ADGRL1: variants seen among roughly 807,000 people sequenced by gnomAD.
The protein encoded by ADGRL1 is CIRL-1.
In ADGRL1, 31 loss-of-function variants were observed where a neutral mutation model predicts 148.9. The observed-to-expected ratio is 0.21, with a 90% confidence interval of 0.16 to 0.28. The LOEUF is 0.28. Among genes scored for constraint, ADGRL1 ranks in the 10% least tolerant of loss-of-function variants. The pLI, the probability that ADGRL1 is intolerant of heterozygous loss-of-function variation, is 1.00. For missense variants in ADGRL1, 1,521 were observed against 2,058.8 expected, an observed-to-expected ratio of 0.74 and a Z score of 5.05; for synonymous variants, 937 against 900.3, an observed-to-expected ratio of 1.04 and a Z score of -0.73.
chr19:14,151,355 C>T lies in ADGRL1; in HGVS notation c.3928G>A (p.Gly1310Arg), dbSNP rs1342658272. 2 of 1,601,142 alleles carry T rather than the reference C, an allele frequency of 1.2e-6. No individual in the cohort carries two copies. The highest frequency in any genetic ancestry group is 1.7e-6 in the Non-Finnish European group (2 of 1,174,664). Reference protein sequence around the residue: ...PPEPPVPPVPGGGGEEEAGGP... With the variant: ...PPEPPVPPVPRGGGEEEAGGP... The stretch of plus-strand genomic sequence containing the variant: ...CCCGCCTCTTCCTCGCCCCCGCCCC[C>T]TGGCACAGGTGGCACAGGGGGCTCA... The change falls in exon 23 of 23, where the codon GGG becomes AGG. Residue 1310 changes from glycine (G) to arginine (R), a missense_variant. Gly to Arg is a moderately radical substitution (Grantham distance 125). Around this residue, in one of 8 missense-constraint regions of ADGRL1, gnomAD observed 390 missense variants for 375.0 expected, o/e 1.04. Transcript: ENST00000361434.
chr19:14,160,475 C>A lies in ADGRL1; in HGVS notation c.1614+118G>T. 1 of 937,178 alleles carries A rather than the reference C, an allele frequency of 1.1e-6. No homozygotes were observed. The highest frequency in any genetic ancestry group is 2.6e-5 in the East Asian group (1 of 38,004). The allele number at this position is 937,178 out of a possible 1,614,324, so 58.1% of individuals were successfully genotyped here. ...TTTGTAGGCCAGGGAGGTGACCCCA[C>A]AGTCCTGCCTTCCAGACCTGCCAGC... is the stretch of plus-strand genomic sequence containing the variant. On this transcript the variant is annotated intron_variant, in intron 7 of 22. Transcript: ENST00000361434. The surrounding 1 kb of genome is among the most constrained non-coding windows in gnomAD (Gnocchi z 5.9).
At position 14,157,448 on chromosome 19, in the gene ADGRL1, T is replaced by C. The variant is rs1360479904; in HGVS notation, c.2548A>G (p.Ile850Val). The change falls in exon 14 of 23, where the codon ATC (isoleucine) becomes GTC (valine). Residue 850 changes from isoleucine to valine, a missense_variant. Physicochemically the swap from Ile to Val is conservative, Grantham distance 29 (BLOSUM62 3). Around this residue, in one of 8 missense-constraint regions of ADGRL1, gnomAD observed 265 missense variants for 431.9 expected, o/e 0.61. Coordinates refer to ENST00000361434, the MANE Select transcript of ADGRL1 (RefSeq NM_014921.5). This position sits in a 1 kb window ranked among gnomAD's most constrained non-coding sequence, Gnocchi z 7.5. ...ATGACCGACAGCAGCAGCTCGTTGA[T>C]GCGGCCCTGGTACTGGGGACAGGAA... The part of the protein sequence containing the change: ...MAHREIYQGR[I>V]NELLLSVITW... 15 of 1,614,038 alleles carry C rather than the reference T, an allele frequency of 9.3e-6. No individual in the cohort carries two copies. The highest frequency in any genetic ancestry group is 1.7e-5 in the Admixed American group (1 of 60,022).
intron 4 of ADGRL1, among the ~76,000 whole-genome samples, chr19:14,167,768 G>A (rs887671676): frequency 2.6e-5 from 4 of 151,996 alleles, no homozygotes; most frequent in Non-Finnish European, 4.4e-5. Context: ...CAGAGAGGTG[G>A]CGGGGGTGGG....
In ADGRL1 at chr19:14,152,029, G is replaced by GGGA; in HGVS notation, c.3667+101_3667+103dup. 2 of 1,041,112 alleles carry GGGA rather than the reference G, an allele frequency of 1.9e-6. No individual in the cohort carries two copies. The highest frequency in any genetic ancestry group is 3.0e-6 in the Non-Finnish European group (2 of 663,074). The allele number at this position is 1,041,112 out of a possible 1,614,324, so 64.5% of individuals were successfully genotyped here. On this transcript the variant is annotated intron_variant, in intron 22 of 22. Transcript: ENST00000361434. This position sits in a 1 kb window ranked among gnomAD's most constrained non-coding sequence, Gnocchi z 6.1. ...CGGGGGGTGGGGAAATGTGGGCATG[G>GGGA]GGAGGCATCCCGAGTTCTCCTCCTT...
chr19:14,183,487 A>G, intron 2 of ADGRL1, 46 bp downstream of exon 2: 3 of 1,520,884 alleles, frequency 2.0e-6, no homozygotes, highest in Non-Finnish European at 2.7e-6. Flanking sequence ...CCCCCCCCAG[A>G]AGGGTTTGGG....
At chr19:14,184,209 G>A (rs1042637749) in intron 1 of ADGRL1, among the ~76,000 whole-genome samples, 18 of 152,246 alleles carry the variant, frequency 1.2e-4, no homozygotes, top group East Asian at 1.9e-4. Flanking sequence ...TCCAGCTGGC[G>A]CCACAGATCG....
chr19:14,166,442 G>A (rs1183799908), intron 4 of ADGRL1, among the ~76,000 whole-genome samples: 1 of 152,036 alleles, frequency 6.6e-6, no homozygotes, highest in East Asian at 1.9e-4. Flanking sequence ...CCAGGAGCCC[G>A]AGACATAGGA....
At chr19:14,202,430 TGTA>T (rs2145187984) in intron 1 of ADGRL1, among the ~76,000 whole-genome samples, 1 of 151,930 alleles carries the variant, frequency 6.6e-6, no homozygotes, top group African/African-American at 2.4e-5. Flanking sequence ...TTTCTGTACT[TGTA>T]GTAGAGATGG....
chr19:14,203,205 CA>C (rs1339369628), intron 1 of ADGRL1, among the ~76,000 whole-genome samples: 1 of 152,210 alleles, frequency 6.6e-6, no homozygotes, highest in Non-Finnish European at 1.5e-5. Context: ...TGCCTCCCCA[CA>C]GAGGGGCTGG....
chr19:14,192,258 T>G (rs1170836661), intron 1 of ADGRL1, among the ~76,000 whole-genome samples: 1 of 148,798 alleles, frequency 6.7e-6, no homozygotes, highest in Non-Finnish European at 1.5e-5. Context: ...ATTTATTTTT[T>G]GAGACGGAGT....
Position 14,152,393 on chromosome 19 carries a change from G to A in ADGRL1, c.3565C>T (p.Arg1189Cys), listed in dbSNP as rs199658590. 307 of 1,601,930 alleles carry A rather than the reference G, an allele frequency of 1.9e-4. No individual in the cohort carries two copies. Among genetic ancestry groups the A allele is most frequent in the Admixed American group, 1.8e-3 (107 of 59,418 alleles). Reference protein sequence around the residue: ...HLLTNPVLQPRGGTSPYNTLI... With the variant: ...HLLTNPVLQPCGGTSPYNTLI... ...GTGTTGTAGGGACTGGTGCCCCCACGGGGCTGCAGCACGGGGTTGGTCAGC... is the reference window on the plus strand; with the variant it reads ...GTGTTGTAGGGACTGGTGCCCCCACAGGGCTGCAGCACGGGGTTGGTCAGC... Residue 1189 changes from arginine (R) to cysteine (C), a missense_variant, in exon 21 of 23, where the codon CGT (arginine) becomes TGT (cysteine). Around this residue, in one of 8 missense-constraint regions of ADGRL1, gnomAD observed 47 missense variants for 64.6 expected, o/e 0.73. Coordinates refer to ENST00000361434, the MANE Select transcript of ADGRL1 (RefSeq NM_014921.5). The surrounding 1 kb of genome is among the most constrained non-coding windows in gnomAD (Gnocchi z 6.1).
chr19:14,187,799 T>TC (rs1487362808), intron 1 of ADGRL1, among the ~76,000 whole-genome samples: 5 of 151,702 alleles, frequency 3.3e-5, no homozygotes, highest in African/African-American at 7.3e-5. Context: ...CTTCCTCATT[T>TC]CTCCCCCAAC....
rs1294284803 is a variant in ADGRL1, at chr19:14,148,498, C to G, written c.*2375G>C. ...GGCTGGGCTGCTTCCCGGGACAGGC[C>G]AGCTCCTCGCCTGCTCATGCCTCCT... On this transcript the variant is annotated 3_prime_UTR_variant, in exon 23 of 23. Coordinates refer to ENST00000361434, the MANE Select transcript of ADGRL1 (RefSeq NM_014921.5). 1 of 152,672 alleles carries G rather than the reference C, an allele frequency of 6.5e-6. No individual in the cohort carries two copies. The highest frequency in any genetic ancestry group is 2.4e-5 in the African/African-American group (1 of 41,430). The allele number at this position is 152,672 out of a possible 1,614,324, so 9.5% of individuals were successfully genotyped here.
Position 14,156,059 on chromosome 19 carries a change from G to A in ADGRL1, c.3125+51C>T, listed in dbSNP as rs755795138. On this transcript the variant is annotated intron_variant, in intron 17 of 22. Transcript: ENST00000361434. ...ACACCCTGGAAGAGGTGGGCCCAGC[G>A]TGGGGCGGGGGTGGGTGATGGGGCA... is the stretch of plus-strand genomic sequence containing the variant. 2.7e-5 allele frequency: 38 copies of A among 1,422,630 alleles called. No individual in the cohort carries two copies. In the South Asian group the frequency reaches 3.5e-4, roughly 13 times the overall value. 88.1% of individuals were successfully genotyped at this position (1,422,630 alleles called of 1,614,324 possible). A position where few individuals can be genotyped will look rare whatever the true frequency, so the allele number is the denominator to read the frequency against.
At chr19:14,202,309 G>A (rs536576685) in intron 1 of ADGRL1, among the ~76,000 whole-genome samples, 86 of 152,000 alleles carry the variant, frequency 5.7e-4, no homozygotes, top group African/African-American at 2.0e-3. Context: ...CTGGAGTGCA[G>A]TGGCACAATC....
chr19:14,156,521 T>C (rs1968763324), intron 16 of ADGRL1, 137 bp downstream of exon 16: 8 of 669,954 alleles, frequency 1.2e-5, no homozygotes, highest in Non-Finnish European at 2.0e-5. Context: ...TCTCAGCCGG[T>C]GGCTCAGTTC....
At chr19:14,200,493 G>C (rs955729770) in intron 1 of ADGRL1, among the ~76,000 whole-genome samples, 1 of 152,174 alleles carries the variant, frequency 6.6e-6, no homozygotes, top group Non-Finnish European at 1.5e-5. Context: ...ATTTTTAAAG[G>C]ACTGAAGAGA....
In ADGRL1 at chr19:14,155,493, G is replaced by A. The variant is rs775784408; in HGVS notation, c.3160C>T (p.Leu1054=). ...WALGAIALLF[L]LGLTWAFGLL... Reference sequence around the variant, plus strand: ...CCGAAAGCCCAGGTGAGGCCCAGCAGGAACAGCAGCGCGATGGCCCCCAGC... The same window carrying A: ...CCGAAAGCCCAGGTGAGGCCCAGCAAGAACAGCAGCGCGATGGCCCCCAGC... The change falls in exon 18 of 23, where the codon CTG becomes TTG. Residue 1054 remains leucine (L), a synonymous_variant. Transcript: ENST00000361434. The surrounding 1 kb of genome is among the most constrained non-coding windows in gnomAD (Gnocchi z 5.0). The A allele has an allele frequency of 3.1e-6, 5 of 1,613,952 alleles. No homozygotes were observed. The highest frequency in any genetic ancestry group is 4.2e-6 in the Non-Finnish European group (5 of 1,179,956).
chr19:14,191,937 A>G (rs1002132892), intron 1 of ADGRL1, among the ~76,000 whole-genome samples: 2 of 151,946 alleles, frequency 1.3e-5, no homozygotes, highest in African/African-American at 4.8e-5. Flanking sequence ...GCCTCAAGCG[A>G]TCTTCCTGCC....
Sources: allele counts gnomAD v4.1 joint callset (sites outside exome capture counted in the v4.1 genomes callset), GRCh38; gene constraint gnomAD v4.1.1; regional missense constraint gnomAD v4.1.1; non-coding constraint Gnocchi (gnomAD v3.1); transcripts MANE v1.5; gene names NCBI Gene and HGNC (gene_info 2026-07-23, HGNC 2026-07-21).